Variants in ZNF354C observed in about 807,000 individuals in gnomAD.
ZNF354C encodes zinc finger protein 354C.
A neutral mutation model predicts 12.4 loss-of-function variants in ZNF354C; 7 were observed. That is an observed-to-expected ratio of 0.56 (90% CI 0.32 to 1.06). The LOEUF (loss-of-function observed/expected upper bound fraction) is 1.06. Among genes scored for constraint, ZNF354C ranks in the 50% least tolerant of loss-of-function variants. ZNF354C has a pLI of 0.04. For missense variants in ZNF354C, 609 were observed against 658.0 expected (o/e 0.93, Z 0.81); for synonymous variants, 202 against 224.5 (o/e 0.90, Z 0.90).
Position 179,079,895 on chromosome 5 carries a change from G to C in ZNF354C, c.1463G>C (p.Arg488Thr), listed in dbSNP as rs1193351262. ...TATTCATTTTTAACCGAACATGAGA[G>C]GATCCACACTGGAGAGAAACTGTAT... ...SQYSFLTEHE[R>T]IHTGEKLYKC... The change falls in exon 5 of 5, where the codon AGG (arginine) becomes ACG (threonine). Residue 488 changes from arginine (R) to threonine (T), a missense_variant. Transcript: ENST00000315475. The surrounding 1 kb of genome is among the most constrained non-coding windows in gnomAD (Gnocchi z 4.2). The C allele has an allele frequency of 1.9e-6, 3 of 1,613,512 alleles. No homozygotes were observed. In the South Asian group the frequency reaches 3.3e-5, roughly 18 times the overall value.
chr5:179,079,766 G>A lies in ZNF354C; in HGVS notation c.1334G>A (p.Cys445Tyr), dbSNP rs1762196526. 6.2e-7 allele frequency: 1 copy of A among 1,614,134 alleles called. No individual in the cohort carries two copies. The highest frequency in any genetic ancestry group is 8.5e-7 in the Non-Finnish European group (1 of 1,180,028). ...GAAAAACTTTATACATGTGAGGAAT[G>A]TGGGAAAGCCTTTGGTTGCAAATCT... ...TGEKLYTCEE[C>Y]GKAFGCKSNL... The change falls in exon 5 of 5, where the codon TGT becomes TAT. Residue 445 changes from cysteine (C) to tyrosine (Y), a missense_variant. By Grantham distance (194) the Cys-to-Tyr change is radical. Transcript: ENST00000315475. This position sits in a 1 kb window ranked among gnomAD's most constrained non-coding sequence, Gnocchi z 4.2.
intron 2 of ZNF354C, among the ~76,000 whole-genome samples, chr5:179,069,562 A>AAC (rs1491407340): frequency 1.5e-5 from 1 of 66,010 alleles, no homozygotes; most frequent in African/African-American, 5.2e-5. Flanking sequence ...ACTCCATCTC[A>AAC]AAAAAAAAAA....
intron 2 of ZNF354C, among the ~76,000 whole-genome samples, chr5:179,063,284 C>T (rs1761917560): frequency 6.6e-6 from 1 of 152,186 alleles, no homozygotes; most frequent in Non-Finnish European, 1.5e-5. Context: ...AGTAGCTGGG[C>T]ACAGTAGCTC....
chr5:179,066,076 T>C (rs1191194798), intron 2 of ZNF354C, among the ~76,000 whole-genome samples: 1 of 152,214 alleles, frequency 6.6e-6, no homozygotes, highest in African/African-American at 2.4e-5. Context: ...TATGGAGGAT[T>C]GTTGCTTCTC....
At chr5:179,073,342 A>C (rs1326959535) in intron 2 of ZNF354C, among the ~76,000 whole-genome samples, 1 of 152,252 alleles carries the variant, frequency 6.6e-6, no homozygotes, top group African/African-American at 2.4e-5. Context: ...CTCTGATTTT[A>C]GGAAGAATGA....
rs1471264991 is a variant in ZNF354C at position 179,082,714 on chromosome 5, C to A, written c.*2617C>A. 3.2e-6 allele frequency: 5 copies of A among 1,585,096 alleles called. No homozygotes were observed. Among genetic ancestry groups the A allele is most frequent in the Non-Finnish European group, 3.5e-6 (4 of 1,156,032 alleles). On this transcript the variant is annotated 3_prime_UTR_variant, in exon 5 of 5. Transcript: ENST00000315475. ...GCTTGACGGATCTTTCTTTCTGCAC[C>A]AAACCCCATTGAGTTATCTGGTCCC...
Position 179,079,266 on chromosome 5 carries a change from G to A in ZNF354C, c.834G>A (p.Glu278=), listed in dbSNP as rs1386928916. The A allele has an allele frequency of 1.2e-6, 2 of 1,613,988 alleles. No individual in the cohort carries two copies. The highest frequency in any genetic ancestry group is 2.7e-5 in the African/African-American group (2 of 74,904). The change falls in exon 5 of 5, where the codon GAG becomes GAA. Residue 278 remains glutamate (E), a synonymous_variant. Coordinates refer to ENST00000315475, the MANE Select transcript of ZNF354C (RefSeq NM_014594.3). The surrounding 1 kb of genome is among the most constrained non-coding windows in gnomAD (Gnocchi z 4.2). The part of the protein sequence containing the change: ...GEKPYKCNEC[E]KAFSNSSTLI... Reference sequence around the variant, plus strand: ...AACCTTACAAGTGTAATGAATGTGAGAAGGCATTTAGCAACAGTTCAACCC... The same window carrying A: ...AACCTTACAAGTGTAATGAATGTGAAAAGGCATTTAGCAACAGTTCAACCC...
Position 179,077,132 on chromosome 5 carries a change from G to T in ZNF354C, c.216G>T (p.Met72Ile). 1 of 1,614,174 alleles carries T rather than the reference G, an allele frequency of 6.2e-7. No homozygotes were observed. The highest frequency in any genetic ancestry group is 8.5e-7 in the Non-Finnish European group (1 of 1,180,028). ...TGCAGCAAGGAGAAGATCCCTGCAT[G>T]GTGGAAAGAGAAGTCCCTTCAGATA... is the stretch of plus-strand genomic sequence containing the variant. ...HQLQQGEDPCMVEREVPSDTR... is the reference protein window; with the variant it reads ...HQLQQGEDPCIVEREVPSDTR... Residue 72 changes from methionine to isoleucine, a missense_variant, in exon 4 of 5, where the codon ATG becomes ATT. Met to Ile is a conservative substitution (Grantham distance 10, BLOSUM62 1). Coordinates refer to ENST00000315475, the MANE Select transcript of ZNF354C (RefSeq NM_014594.3).
At position 179,081,776 on chromosome 5, in the gene ZNF354C, T is replaced by C. The variant is rs541646382; in HGVS notation, c.*1679T>C. On this transcript the variant is annotated 3_prime_UTR_variant, in exon 5 of 5. Transcript: ENST00000315475. ...CTTGGAGAAATGGCTGATTCCATGTTTGGAGCAGGGGAAGTGGGTGGTGTG... is the reference window on the plus strand; with the variant it reads ...CTTGGAGAAATGGCTGATTCCATGTCTGGAGCAGGGGAAGTGGGTGGTGTG... 2.0e-5 allele frequency: 3 copies of C among 152,268 alleles called. No individual in the cohort carries two copies. Among genetic ancestry groups the C allele is most frequent in the Middle Eastern group, 3.4e-3 (1 of 298 alleles). 9.4% of individuals were successfully genotyped at this position (152,268 alleles called of 1,614,324 possible). A position where few individuals can be genotyped will look rare whatever the true frequency, so the allele number is the denominator to read the frequency against.
intron 2 of ZNF354C, among the ~76,000 whole-genome samples, chr5:179,075,299 G>A (rs995907815): frequency 1.1e-4 from 16 of 151,830 alleles, no homozygotes; most frequent in African/African-American, 3.6e-4. Flanking sequence ...GTATGTGCCT[G>A]TAGTCCCAGC....
rs759026476 is a variant in ZNF354C at position 179,078,838 on chromosome 5, G to A, written c.406G>A (p.Glu136Lys). Residue 136 changes from glutamate (E) to lysine (K), a missense_variant, in exon 5 of 5, where the codon GAA becomes AAA. Coordinates refer to ENST00000315475, the MANE Select transcript of ZNF354C (RefSeq NM_014594.3). ...EAVEFESEIEEEQEKKPLRQM... is the reference protein window; with the variant it reads ...EAVEFESEIEKEQEKKPLRQM... The stretch of plus-strand genomic sequence containing the variant: ...TGTGGAATTTGAGAGCGAGATAGAA[G>A]AAGAGCAAGAGAAGAAACCTCTTAG... 2 of 1,614,096 alleles carry A rather than the reference G, an allele frequency of 1.2e-6. No individual in the cohort carries two copies. Among genetic ancestry groups the A allele is most frequent in the African/African-American group, 1.3e-5 (1 of 75,052 alleles).
At chr5:179,062,818 T>G (rs1221642015) in intron 2 of ZNF354C, among the ~76,000 whole-genome samples, 1 of 152,170 alleles carries the variant, frequency 6.6e-6, no homozygotes, top group African/African-American at 2.4e-5. Context: ...CCTTCTCTGA[T>G]TCTTTTCTTT....
intron 2 of ZNF354C, among the ~76,000 whole-genome samples, chr5:179,068,473 GAGTAATAGGATTT>G (rs1246586586): frequency 6.6e-6 from 1 of 152,182 alleles, no homozygotes; most frequent in African/African-American, 2.4e-5. Flanking sequence ...AAGTTGTCTT[GAGTAATAGGATTT>G]AGTATGATTT....
Position 179,079,161 on chromosome 5 carries a change from C to T in ZNF354C, c.729C>T (p.Pro243=), listed in dbSNP as rs576313466. The T allele has an allele frequency of 2.5e-6, 4 of 1,613,828 alleles. No homozygotes were observed. Among genetic ancestry groups the T allele is most frequent in the Non-Finnish European group, 2.5e-6 (3 of 1,180,016 alleles). ...EHQRIHTGEK[P]YKCNECEKTF... ...AGAGAATTCATACAGGTGAGAAACC[C>T]TACAAATGTAATGAGTGTGAAAAAA... is the stretch of plus-strand genomic sequence containing the variant. The change falls in exon 5 of 5, where the codon CCC becomes CCT. Residue 243 remains proline (P), a synonymous_variant. Coordinates refer to ENST00000315475, the MANE Select transcript of ZNF354C (RefSeq NM_014594.3). The surrounding 1 kb of genome is among the most constrained non-coding windows in gnomAD (Gnocchi z 4.2).
intron 2 of ZNF354C, among the ~76,000 whole-genome samples, chr5:179,069,909 T>G (rs1320636527): frequency 6.6e-6 from 1 of 152,146 alleles, no homozygotes; most frequent in Non-Finnish European, 1.5e-5. Flanking sequence ...CTTTTCTAGC[T>G]TTAATTATAG....
intron 2 of ZNF354C, among the ~76,000 whole-genome samples, chr5:179,062,569 G>A (rs1023592324): frequency 6.6e-6 from 1 of 152,204 alleles, no homozygotes; most frequent in Non-Finnish European, 1.5e-5. Flanking sequence ...TCGATCTTAG[G>A]AAACATGATT....
At position 179,083,829 on chromosome 5, in the gene ZNF354C, TG is replaced by T. The variant is rs1281626411; in HGVS notation, c.*3734del. On this transcript the variant is annotated 3_prime_UTR_variant, in exon 5 of 5. Transcript: ENST00000315475. ...ATTGTGGCGCTCCTGGGCATTCCTG[TG>T]GTGAGGACAGAGATGGCTGAGCAGG... Among the ~76,000 whole-genome samples, 1 of 152,182 alleles carries T rather than the reference TG, an allele frequency of 6.6e-6. No homozygotes were observed. The highest frequency in any genetic ancestry group is 1.5e-5 in the Non-Finnish European group (1 of 68,016).
chr5:179,068,410 C>T (rs571749382), intron 2 of ZNF354C, among the ~76,000 whole-genome samples: 16 of 152,150 alleles, frequency 1.1e-4, no homozygotes, highest in South Asian at 2.1e-4. Flanking sequence ...CAAAAGAACA[C>T]GGTGTGTGTA....
chr5:179,065,282 A>G (rs772346056), intron 2 of ZNF354C, among the ~76,000 whole-genome samples: 12 of 152,196 alleles, frequency 7.9e-5, no homozygotes. Flanking sequence ...AGGGCCCCCC[A>G]GGATTCCACA....
Sources: allele counts gnomAD v4.1 joint callset (sites outside exome capture counted in the v4.1 genomes callset), GRCh38; gene constraint gnomAD v4.1.1; non-coding constraint Gnocchi (gnomAD v3.1); transcripts MANE v1.5; gene names NCBI Gene and HGNC (gene_info 2026-07-23, HGNC 2026-07-21).